Variants in CDH23 observed in about 807,000 individuals in gnomAD.
CDH23 encodes the protein cadherin-23.
In CDH23, 189 loss-of-function variants were observed where a neutral mutation model predicts 317.1. The ratio of observed to expected loss-of-function variants is 0.60; its 90% CI spans 0.53 to 0.67. CDH23 has a LOEUF of 0.67. Ranked by LOEUF, CDH23 falls within the 30% of genes least tolerant of loss-of-function variation. The pLI, the probability that CDH23 is intolerant of heterozygous loss-of-function variation, is 0.00. For synonymous variants in CDH23, 1,839 were observed against 1,876.8 expected (o/e 0.98, Z 0.52); for missense variants, 4,401 against 4,592.4 (o/e 0.96, Z 1.20).
At chr10:71,510,918 C>T (rs377271220) in intron 4 of CDH23, 36 bp from the exon 5 acceptor site, 9 of 1,613,124 alleles carry the variant, frequency 5.6e-6, no homozygotes, top group African/African-American at 1.3e-5. Context: ...TCAGCACCGC[C>T]TAACTGCCCC....
intron 6 of CDH23, among the ~76,000 whole-genome samples, chr10:71,517,414 C>G (rs866536791): frequency 2.6e-5 from 4 of 152,214 alleles, no homozygotes; most frequent in African/African-American, 9.6e-5. Flanking sequence ...GGGTCCAGAG[C>G]GTGCAGAGGT....
chr10:71,792,842 A>T (rs1311988279), intron 47 of CDH23, among the ~76,000 whole-genome samples: 1,127 of 69,790 alleles, frequency 0.016, 14 homozygotes, highest in East Asian at 0.062. Flanking sequence ...AAAAAAAAAA[A>T]AAAAAAAAAA....
chr10:71,589,300 A>G (rs1056879901), intron 9 of CDH23, among the ~76,000 whole-genome samples: 1 of 152,090 alleles, frequency 6.6e-6, no homozygotes, highest in African/African-American at 2.4e-5. Flanking sequence ...TTGTATTTTT[A>G]GTAGAGACAG....
At chr10:71,730,435 C>G (rs1431510477) in intron 30 of CDH23, 34 bp from the exon 31 acceptor site, 1 of 1,609,838 alleles carries the variant, frequency 6.2e-7, no homozygotes, top group Non-Finnish European at 8.5e-7. Flanking sequence ...CTCCACCCCA[C>G]CCTGACCTTG....
chr10:71,789,112 C>T (rs1335134589), intron 45 of CDH23, 70 bp downstream of exon 45: 2 of 796,834 alleles, frequency 2.5e-6, no homozygotes, highest in Middle Eastern at 2.2e-4. Flanking sequence ...TGCCTGAGGA[C>T]CTCCCTTATG....
Position 71,813,323 on chromosome 10 carries a change from C to T in CDH23, c.9713C>T (p.Ser3238Phe). Residue 3238 changes from serine (S) to phenylalanine (F), a missense_variant, in exon 69 of 70, where the codon TCC (serine) becomes TTC (phenylalanine). Transcript: ENST00000224721. Reference sequence around the variant, plus strand: ...GCACAGCGGATGGTGCAAAAAGCCTCCTCCTGCCACTCCTCCATCTCTGAG... The same window carrying T: ...GCACAGCGGATGGTGCAAAAAGCCTTCTCCTGCCACTCCTCCATCTCTGAG... ...LFAQRMVQKA[S>F]SCHSSISELI... 2 of 1,551,632 alleles carry T rather than the reference C, an allele frequency of 1.3e-6. No individual in the cohort carries two copies. Among genetic ancestry groups the T allele is most frequent in the Non-Finnish European group, 1.7e-6 (2 of 1,146,992 alleles).
chr10:71,433,471 GGGAGCCCT>G (rs1386174892), intron 1 of CDH23, among the ~76,000 whole-genome samples: 1 of 152,120 alleles, frequency 6.6e-6, no homozygotes, highest in Non-Finnish European at 1.5e-5. Flanking sequence ...TCAGGGGTTT[GGGAGCCCT>G]GCTGATCTTG....
At chr10:71,795,825 T>TTGA (rs1841386164) in intron 48 of CDH23, 1 of 987,360 alleles carries the variant, frequency 1.0e-6, no homozygotes, top group East Asian at 1.1e-4. Context: ...TCCTCATGGC[T>TTGA]GGCAGGCCCA....
At position 71,406,865 on chromosome 10, in the gene CDH23, G is replaced by A. The variant is rs182563598; in HGVS notation, c.-6+9547G>A. Among the ~76,000 whole-genome samples the A allele has an allele frequency of 2.0e-3, 298 of 152,318 alleles. 3 individuals are homozygous for A. In the South Asian group the frequency reaches 0.029, roughly 15 times the overall value. ...GGGAAAACCCTTTGGCAAGCTGCATGTGGCCCATAGATGGCCAGTTTATGA... is the reference window on the plus strand; with the variant it reads ...GGGAAAACCCTTTGGCAAGCTGCATATGGCCCATAGATGGCCAGTTTATGA... On this transcript the variant is annotated intron_variant, in intron 1 of 69. Coordinates refer to ENST00000224721, the MANE Select transcript of CDH23 (RefSeq NM_022124.6).
chr10:71,407,105 C>T (rs190867056), intron 1 of CDH23, among the ~76,000 whole-genome samples: 2 of 152,172 alleles, frequency 1.3e-5, no homozygotes, highest in Non-Finnish European at 2.9e-5. Context: ...AGCTTGCAGG[C>T]GGTGAGGCAG....
chr10:71,606,386 C>A (rs1860527263), intron 9 of CDH23, among the ~76,000 whole-genome samples: 1 of 152,230 alleles, frequency 6.6e-6, no homozygotes, highest in African/African-American at 2.4e-5. Flanking sequence ...ACAGCCCCAA[C>A]TGGAATTACT....
chr10:71,531,363 G>A (rs1254663330), intron 6 of CDH23, among the ~76,000 whole-genome samples: 1 of 152,160 alleles, frequency 6.6e-6, no homozygotes, highest in African/African-American at 2.4e-5. Flanking sequence ...AAGGTCATAA[G>A]CCCAGCATCA....
At chr10:71,583,958 G>GC (rs1554841917) in intron 9 of CDH23, among the ~76,000 whole-genome samples, 18 of 139,136 alleles carry the variant, frequency 1.3e-4, no homozygotes, top group Admixed American at 5.8e-4. Flanking sequence ...GTGCTCCCCA[G>GC]AGCAGCAGCA....
At chr10:71,723,413 C>G (rs113823891) in intron 28 of CDH23, among the ~76,000 whole-genome samples, 4 of 152,154 alleles carry the variant, frequency 2.6e-5, no homozygotes, top group Admixed American at 6.5e-5. Context: ...ACGTCCCCCC[C>G]CACACACAAG....
Position 71,651,568 on chromosome 10 carries a change from C to A in CDH23, c.1449+4951C>A, listed in dbSNP as rs1489754393. Among the ~76,000 whole-genome samples, 6 of 133,996 alleles carry A rather than the reference C, an allele frequency of 4.5e-5. No homozygotes were observed. The East Asian group carries it at 9.4e-4, about 21-fold the overall frequency. 87.9% of individuals were successfully genotyped at this position (133,996 alleles called of 152,430 possible). On this transcript the variant is annotated intron_variant, in intron 14 of 69. Transcript: ENST00000224721. ...GACCCTATCTCAAAAAAAAAAAAAA[C>A]CACTGGAGGAGAGAACAGCATGTGC...
rs117550965 is a variant in CDH23 at position 71,409,926 on chromosome 10, G to C, written c.-6+12608G>C. 5.5e-4 allele frequency among the ~76,000 whole-genome samples: 83 copies of C among 152,278 alleles called. 1 individual carries two copies. The East Asian group carries it at 0.013, about 23-fold the overall frequency. On this transcript the variant is annotated intron_variant, in intron 1 of 69. Transcript: ENST00000224721. ...CATCTCTCCCTTTGTGCCTGGTCTGGGTGGGTGTGGCCAGGGCTCTGAGCA... is the reference window on the plus strand; with the variant it reads ...CATCTCTCCCTTTGTGCCTGGTCTGCGTGGGTGTGGCCAGGGCTCTGAGCA...
chr10:71,794,972 G>A (rs369277092), intron 48 of CDH23, among the ~76,000 whole-genome samples: 13 of 152,176 alleles, frequency 8.5e-5, no homozygotes, highest in Admixed American at 5.2e-4. Flanking sequence ...CAGTGCCAGC[G>A]GTGAGAAGCA....
At chr10:71,618,373 G>T (rs1007375719) in intron 11 of CDH23, among the ~76,000 whole-genome samples, 1 of 152,100 alleles carries the variant, frequency 6.6e-6, no homozygotes, top group Non-Finnish European at 1.5e-5. Flanking sequence ...AGGGGGGCAG[G>T]GCGGCGAGGC....
At chr10:71,790,788 C>T (rs1329330135) in intron 46 of CDH23, 2 of 469,832 alleles carry the variant, frequency 4.3e-6, no homozygotes, top group Admixed American at 3.4e-5. Context: ...CCGTCTGGTC[C>T]TGGACAGGAG....
Sources: allele counts gnomAD v4.1 joint callset (sites outside exome capture counted in the v4.1 genomes callset), GRCh38; gene constraint gnomAD v4.1.1; transcripts MANE v1.5; gene names NCBI Gene and HGNC (gene_info 2026-07-23, HGNC 2026-07-21).